The following TLR9 variants were observed in gnomAD, a reference collection of about 807,000 sequenced individuals.
TLR9 encodes toll like receptor 9.
Under a neutral mutation model 24.6 loss-of-function variants are expected in TLR9, and 19 were observed. The observed-to-expected ratio is 0.77, with a 90% CI of 0.54 to 1.13. The LOEUF (loss-of-function observed/expected upper bound fraction) is 1.13. Among genes scored for constraint, TLR9 ranks in the 50% most tolerant of loss-of-function variants. The probability of loss-of-function intolerance (pLI) is 0.00; values close to 1 mark genes in which losing one functional copy is unlikely to be tolerated. For missense variants in TLR9, 1,065 were observed against 1,379.6 expected (o/e 0.77, Z 3.61); for synonymous variants, 579 against 609.8 (o/e 0.95, Z 0.74).
chr3:52,221,213 A>G lies in TLR9; in HGVS notation c.*4T>C, dbSNP rs756111887. The G allele has an allele frequency of 6.6e-7, 1 of 1,511,258 alleles. No homozygotes were observed. Among genetic ancestry groups the G allele is most frequent in the Admixed American group, 2.3e-5 (1 of 43,614 alleles). The allele number at this position is 1,511,258 out of a possible 1,614,324, so 93.6% of individuals were successfully genotyped here. A position where few individuals can be genotyped will look rare whatever the true frequency, so the allele number is the denominator to read the frequency against. ...GTGGCACCGTGCAGGATTCCGGCTC[A>G]CGGCTATTCGGCCGTGGGTCCCTGG... On this transcript the variant is annotated 3_prime_UTR_variant, in exon 2 of 2. Transcript: ENST00000360658. The surrounding 1 kb of genome is among the most constrained non-coding windows in gnomAD (Gnocchi z 9.9).
Position 52,221,412 on chromosome 3 carries a change from C to T in TLR9, c.2904G>A (p.Leu968=), listed in dbSNP as rs1220265420. Residue 968 remains leucine, a synonymous_variant, in exon 2 of 2, where the codon CTG becomes CTA. Transcript: ENST00000360658. This position sits in a 1 kb window ranked among gnomAD's most constrained non-coding sequence, Gnocchi z 9.9. ...GGCGGCCGTCAGGGCTCAGGATCAC[C>T]AGCACCACGACGTCCTTGCGGTCCT... ...LLEDRKDVVV[L]VILSPDGRRS... is the part of the protein sequence containing the mutation. 6.3e-7 allele frequency: 1 copy of T among 1,599,864 alleles called. No homozygotes were observed. The highest frequency in any genetic ancestry group is 1.1e-5 in the South Asian group (1 of 90,194).
Position 52,221,217 on chromosome 3 carries a change from C to T in TLR9, c.3099G>A (p.Ter1033=). The part of the protein sequence containing the change: ...RNFCQGPTAE[*] ...CACCGTGCAGGATTCCGGCTCACGG[C>T]TATTCGGCCGTGGGTCCCTGGCAGA... Residue 1033 remains the stop codon, a stop_retained_variant, in exon 2 of 2, where the codon TAG becomes TAA. Transcript: ENST00000360658. The surrounding 1 kb of genome is among the most constrained non-coding windows in gnomAD (Gnocchi z 9.9). 1 of 1,511,648 alleles carries T rather than the reference C, an allele frequency of 6.6e-7. No individual in the cohort carries two copies. The highest frequency in any genetic ancestry group is 8.8e-7 in the Non-Finnish European group (1 of 1,129,960). 93.6% of individuals were successfully genotyped at this position (1,511,648 alleles called of 1,614,324 possible). A position where few individuals can be genotyped will look rare whatever the true frequency, so the allele number is the denominator to read the frequency against.
rs200258503 is a variant in TLR9 at position 52,222,753 on chromosome 3, G to A, written c.1563C>T (p.Thr521=). ...GGGACAGGTCTAGCACCTGCAGACC[G>A]GTCAGCGGCAGGAACTGGGAGCCAT... The part of the protein sequence containing the change: ...AVNGSQFLPL[T]GLQVLDLSHN... Residue 521 remains threonine, a synonymous_variant, in exon 2 of 2, where the codon ACC becomes ACT. Transcript: ENST00000360658. The A allele has an allele frequency of 2.5e-5, 41 of 1,614,018 alleles. No homozygotes were observed. Among genetic ancestry groups the A allele is most frequent in the South Asian group, 8.8e-5 (8 of 91,090 alleles).
intron 1 of TLR9, among the ~76,000 whole-genome samples, chr3:52,225,304 C>T (rs1323785975): frequency 1.3e-5 from 2 of 151,138 alleles, no homozygotes; most frequent in Non-Finnish European, 2.9e-5. Context: ...GATCAAGCCA[C>T]TGCACTCCAG....
chr3:52,222,723 A>C lies in TLR9; in HGVS notation c.1593T>G (p.Asn531Lys). The part of the protein sequence containing the change: ...TGLQVLDLSH[N>K]KLDLYHEHSF... ...AGTGCTCGTGGTAGAGGTCCAGCTTATTGTGGGACAGGTCTAGCACCTGCA... is the reference window on the plus strand; with the variant it reads ...AGTGCTCGTGGTAGAGGTCCAGCTTCTTGTGGGACAGGTCTAGCACCTGCA... Residue 531 changes from asparagine to lysine, a missense_variant, in exon 2 of 2, where the codon AAT (asparagine) becomes AAG (lysine). Asn to Lys is a moderately conservative substitution (Grantham distance 94). Coordinates refer to ENST00000360658, the MANE Select transcript of TLR9 (RefSeq NM_017442.4). 6.2e-7 allele frequency: 1 copy of C among 1,613,866 alleles called. No homozygotes were observed. The highest frequency in any genetic ancestry group is 8.5e-7 in the Non-Finnish European group (1 of 1,179,896).
Position 52,223,047 on chromosome 3 carries a change from C to G in TLR9, c.1269G>C (p.Ser423=). The stretch of plus-strand genomic sequence containing the variant: ...CCGAAGCTCCGCTGATGCGGTTGTC[C>G]GACAGGTCCACGTAGCGCAGGCCAG... The part of the protein sequence containing the change: ...AFPGLRYVDL[S]DNRISGASEL... The change falls in exon 2 of 2, where the codon TCG becomes TCC. Residue 423 remains serine (S), a synonymous_variant. Transcript: ENST00000360658. 1 of 1,590,836 alleles carries G rather than the reference C, an allele frequency of 6.3e-7. No homozygotes were observed. The highest frequency in any genetic ancestry group is 2.2e-5 in the East Asian group (1 of 44,568).
Position 52,223,181 on chromosome 3 carries a change from G to T in TLR9, c.1135C>A (p.Leu379Ile). ...AGTGGCCGGAGCGTGGTCTCATCGA[G>T]TGAGCGGAAGAAGATGCCGTGCATG... is the stretch of plus-strand genomic sequence containing the variant. ...LDMHGIFFRS[L>I]DETTLRPLAR... The change falls in exon 2 of 2, where the codon CTC (leucine) becomes ATC (isoleucine). Residue 379 changes from leucine (L) to isoleucine (I), a missense_variant. Leu to Ile is a conservative substitution (Grantham distance 5, BLOSUM62 2). Transcript: ENST00000360658. 1 of 1,613,740 alleles carries T rather than the reference G, an allele frequency of 6.2e-7. No individual in the cohort carries two copies. The highest frequency in any genetic ancestry group is 8.5e-7 in the Non-Finnish European group (1 of 1,179,776).
Position 52,222,505 on chromosome 3 carries a change from TC to T in TLR9, c.1810del (p.Asp604ThrfsTer24). On this transcript the variant is annotated frameshift_variant, in exon 2 of 2. Coordinates refer to ENST00000360658, the MANE Select transcript of TLR9 (RefSeq NM_017442.4). LOFTEE classifies it low-confidence loss of function (END_TRUNC). Reference protein sequence around the residue: ...QLCSTSLRALDFSGNALGHMW... With the variant: ...QLCSTSLRALXFSGNALGHMW... ...ATGGCCCAGTGCATTGCCGCTGAAG[TC>T]CAGGGCCCGCAGCGACGTACTGCAG... The T allele has an allele frequency of 6.2e-7, 1 of 1,614,158 alleles. No individual in the cohort carries two copies. The highest frequency in any genetic ancestry group is 8.5e-7 in the Non-Finnish European group (1 of 1,180,034).
chr3:52,221,375 CG>C lies in TLR9; in HGVS notation c.2940del (p.Tyr980Ter). Reference protein sequence around the residue: ...ILSPDGRRSRYVRLRQRLCRQ... With the variant: ...ILSPDGRRSRXVRLRQRLCRQ... The stretch of plus-strand genomic sequence containing the variant: ...CGGCAGAGGCGCTGGCGCAGCCGCA[CG>C]TAGCGGGAGCGGCGGCCGTCAGGGC... On this transcript the variant is annotated frameshift_variant, in exon 2 of 2. Coordinates refer to ENST00000360658, the MANE Select transcript of TLR9 (RefSeq NM_017442.4). LOFTEE classifies it high-confidence loss of function. This position sits in a 1 kb window ranked among gnomAD's most constrained non-coding sequence, Gnocchi z 9.9. 1 of 1,588,170 alleles carries C rather than the reference CG, an allele frequency of 6.3e-7. No homozygotes were observed.
At position 52,221,706 on chromosome 3, in the gene TLR9, G is replaced by A. The variant is rs201959275; in HGVS notation, c.2610C>T (p.Tyr870=). Reference sequence around the variant, plus strand: ...TTTTGTCGAAGACCACGAAGGCATCGTAGGGCAGGGCATCCTCATCTCGCC... The same window carrying A: ...TTTTGTCGAAGACCACGAAGGCATCATAGGGCAGGGCATCCTCATCTCGCC... ...QSGRDEDALP[Y]DAFVVFDKTQ... Residue 870 remains tyrosine (Y), a synonymous_variant, in exon 2 of 2, where the codon TAC becomes TAT. Coordinates refer to ENST00000360658, the MANE Select transcript of TLR9 (RefSeq NM_017442.4). The surrounding 1 kb of genome is among the most constrained non-coding windows in gnomAD (Gnocchi z 9.9). The A allele has an allele frequency of 4.8e-5, 77 of 1,613,946 alleles. 1 individual carries two copies. The highest frequency in any genetic ancestry group is 2.1e-4 in the South Asian group (19 of 91,078).
rs990550336 is a variant in TLR9, at chr3:52,221,172, TGAG to T, written c.*42_*44del. 5 of 1,469,766 alleles carry T rather than the reference TGAG, an allele frequency of 3.4e-6. No individual in the cohort carries two copies. Among genetic ancestry groups the T allele is most frequent in the Non-Finnish European group, 1.8e-6 (2 of 1,103,494 alleles). The allele number at this position is 1,469,766 out of a possible 1,614,324, so 91.0% of individuals were successfully genotyped here. A position where few individuals can be genotyped will look rare whatever the true frequency, so the allele number is the denominator to read the frequency against. ...GAGGGTCAGACCAGGCAGGCAGAGG[TGAG>T]GTGAGTGTGGAGGTGGCACCGTGCA... On this transcript the variant is annotated 3_prime_UTR_variant, in exon 2 of 2. Coordinates refer to ENST00000360658, the MANE Select transcript of TLR9 (RefSeq NM_017442.4). The surrounding 1 kb of genome is among the most constrained non-coding windows in gnomAD (Gnocchi z 9.9).
rs895456647 is a variant in TLR9 at position 52,222,110 on chromosome 3, C to T, written c.2206G>A (p.Ala736Thr). ...ELRELNLSAN[A>T]LKTVDHSWFG... is the part of the protein sequence containing the mutation. ...CAGGAGTGGTCCACTGTCTTGAGGG[C>T]GTTGGCGCTAAGGTTGAGCTCTCGC... The change falls in exon 2 of 2, where the codon GCC becomes ACC. Residue 736 changes from alanine to threonine, a missense_variant. By Grantham distance (58) the Ala-to-Thr change is moderately conservative. Transcript: ENST00000360658. 13 of 1,611,530 alleles carry T rather than the reference C, an allele frequency of 8.1e-6. No individual in the cohort carries two copies. The African/African-American group carries it at 1.1e-4, about 13-fold the overall frequency.
chr3:52,225,316 C>T (rs1240654323), intron 1 of TLR9, among the ~76,000 whole-genome samples: 1 of 150,362 alleles, frequency 6.7e-6, no homozygotes, highest in Non-Finnish European at 1.5e-5. Context: ...GCACTCCAGC[C>T]TGGGCAACAA....
chr3:52,221,778 G>C lies in TLR9; in HGVS notation c.2538C>G (p.Cys846Trp), dbSNP rs754820202. Residue 846 changes from cysteine to tryptophan, a missense_variant, in exon 2 of 2, where the codon TGC (cysteine) becomes TGG (tryptophan). Transcript: ENST00000360658. The surrounding 1 kb of genome is among the most constrained non-coding windows in gnomAD (Gnocchi z 9.9). ...GAAGCCAGGCCAGGCACAGGTGGAA[G>C]CAGTACCAGAGGTCCCAGCCACAGA... The part of the protein sequence containing the change: ...HHLCGWDLWY[C>W]FHLCLAWLPW... 1 of 1,613,972 alleles carries C rather than the reference G, an allele frequency of 6.2e-7. No homozygotes were observed. Among genetic ancestry groups the C allele is most frequent in the Non-Finnish European group, 8.5e-7 (1 of 1,180,020 alleles).
In TLR9 at chr3:52,223,200, G is replaced by A. The variant is rs143200897; in HGVS notation, c.1116C>T (p.His372=). Residue 372 remains histidine, a synonymous_variant, in exon 2 of 2, where the codon CAC becomes CAT. Transcript: ENST00000360658. The part of the protein sequence containing the change: ...SLVALKELDM[H]GIFFRSLDET... The stretch of plus-strand genomic sequence containing the variant: ...CATCGAGTGAGCGGAAGAAGATGCC[G>A]TGCATGTCCAGCTCCTTCAGGGCGA... The A allele has an allele frequency of 3.1e-5, 50 of 1,613,618 alleles. No individual in the cohort carries two copies. Among genetic ancestry groups the A allele is most frequent in the East Asian group, 1.3e-4 (6 of 44,862 alleles).
At position 52,221,851 on chromosome 3, in the gene TLR9, G is replaced by A. The variant is rs770242862; in HGVS notation, c.2465C>T (p.Ser822Leu). 7 of 1,613,890 alleles carry A rather than the reference G, an allele frequency of 4.3e-6. No homozygotes were observed. The highest frequency in any genetic ancestry group is 1.6e-4 in the Middle Eastern group (1 of 6,062). ...EALSWDCFAL[S>L]LLAVALGLGV... is the part of the protein sequence containing the mutation. ...CAGGCCCAGAGCCACAGCCAGCAGC[G>A]AGAGGGCGAAACAGTCCCAGGAGAG... is the stretch of plus-strand genomic sequence containing the variant. The change falls in exon 2 of 2, where the codon TCG becomes TTG. Residue 822 changes from serine (S) to leucine (L), a missense_variant. Coordinates refer to ENST00000360658, the MANE Select transcript of TLR9 (RefSeq NM_017442.4). The surrounding 1 kb of genome is among the most constrained non-coding windows in gnomAD (Gnocchi z 9.9).
At position 52,224,121 on chromosome 3, in the gene TLR9, G is replaced by C; in HGVS notation, c.195C>G (p.Val65=). The change falls in exon 2 of 2, where the codon GTC becomes GTG. Residue 65 remains valine, a synonymous_variant. Coordinates refer to ENST00000360658, the MANE Select transcript of TLR9 (RefSeq NM_017442.4). ...GGTTGGAGGACAAGGAAAGGCTGGT[G>C]ACATTGCCACGGGGTGCTGCCATGG... is the stretch of plus-strand genomic sequence containing the variant. The part of the protein sequence containing the change: ...HFSMAAPRGN[V]TSLSLSSNRI... The C allele has an allele frequency of 1.3e-6, 2 of 1,572,984 alleles. No homozygotes were observed. Among genetic ancestry groups the C allele is most frequent in the Non-Finnish European group, 1.7e-6 (2 of 1,154,214 alleles).
Position 52,223,245 on chromosome 3 carries a change from G to C in TLR9, c.1071C>G (p.Ala357=), listed in dbSNP as rs202233789. The C allele has an allele frequency of 1.9e-6, 3 of 1,614,186 alleles. No individual in the cohort carries two copies. The South Asian group carries it at 3.3e-5, about 18-fold the overall frequency. The change falls in exon 2 of 2, where the codon GCC becomes GCG. Residue 357 remains alanine (A), a synonymous_variant. Transcript: ENST00000360658. ...KRVSFAHLSL[A]PSFGSLVALK... ...GGGCGACCAGGCTCCCGAAGGAAGGGGCCAGAGACAGGTGGGCAAAGGACA... is the reference window on the plus strand; with the variant it reads ...GGGCGACCAGGCTCCCGAAGGAAGGCGCCAGAGACAGGTGGGCAAAGGACA...
Position 52,223,059 on chromosome 3 carries a change from G to C in TLR9, c.1257C>G (p.Tyr419Ter). The C allele has an allele frequency of 6.2e-7, 1 of 1,601,436 alleles. No individual in the cohort carries two copies. Among genetic ancestry groups the C allele is most frequent in the Non-Finnish European group, 8.5e-7 (1 of 1,172,580 alleles). ...TGATGCGGTTGTCCGACAGGTCCAC[G>C]TAGCGCAGGCCAGGGAAGGCCCTGA... is the stretch of plus-strand genomic sequence containing the variant. ...GIFRAFPGLR[Y>*]VDLSDNRISG... The change falls in exon 2 of 2, where the codon TAC becomes TAG. Residue 419 changes from tyrosine to a stop codon, truncating the protein, a stop_gained. Transcript: ENST00000360658. LOFTEE classifies it low-confidence loss of function (END_TRUNC).
Sources: gnomAD v4.1 joint callset for allele counts (sites outside exome capture counted in the v4.1 genomes callset) on GRCh38, gnomAD v4.1.1 for gene constraint, Gnocchi (gnomAD v3.1) non-coding constraint, MANE v1.5 for transcripts, NCBI Gene and HGNC (gene_info 2026-07-23, HGNC 2026-07-21) for gene names.